Variants in ZBED4 observed in about 807,000 individuals in gnomAD.
ZBED4 encodes the protein zinc finger BED-type containing 4.
Under a neutral mutation model 15.5 loss-of-function variants are expected in ZBED4, and 4 were observed. The observed-to-expected ratio is 0.26, with a 90% CI of 0.13 to 0.59. The LOEUF (loss-of-function observed/expected upper bound fraction) is 0.59, where lower values mean the gene tolerates loss of function less well. ZBED4 is among the 20% of genes least tolerant of loss of function. The pLI is 0.90. For synonymous variants in ZBED4, 692 were observed against 608.5 expected, an observed-to-expected ratio of 1.14 and a Z score of -2.02; for missense variants, 1,323 against 1,461.8, an observed-to-expected ratio of 0.91 and a Z score of 1.55.
rs181566449 is a variant in ZBED4, at chr22:49,882,409, C to T, written c.-329-925C>T. On this transcript the variant is annotated intron_variant, in intron 1 of 1. Transcript: ENST00000216268. ...TCCAGCCTAAGTGACAGTAAAACTC[C>T]GTCTCTTCAAAAAAAGTTTGTTAGA... Among the ~76,000 whole-genome samples the T allele has an allele frequency of 2.1e-3, 322 of 152,238 alleles. 1 individual carries two copies. The highest frequency in any genetic ancestry group is 7.3e-3 in the African/African-American group (303 of 41,534).
In ZBED4 at chr22:49,883,574, TGAA is replaced by T. The variant is rs2060420371; in HGVS notation, c.-86_-84del. On this transcript the variant is annotated 5_prime_UTR_variant, in exon 2 of 2. Coordinates refer to ENST00000216268, the MANE Select transcript of ZBED4 (RefSeq NM_014838.3). The stretch of plus-strand genomic sequence containing the variant: ...GAAAGATGGAATTATGACGAAAAAG[TGAA>T]GATAATCTACATTCGGGGGCACAAA... 1 of 1,428,910 alleles carries T rather than the reference TGAA, an allele frequency of 7.0e-7. No homozygotes were observed. Among genetic ancestry groups the T allele is most frequent in the African/African-American group, 1.5e-5 (1 of 64,984 alleles). 88.5% of individuals were successfully genotyped at this position (1,428,910 alleles called of 1,614,324 possible).
intron 1 of ZBED4, among the ~76,000 whole-genome samples, chr22:49,876,330 T>A (rs1238966604): frequency 6.6e-6 from 1 of 152,226 alleles, no homozygotes; most frequent in Non-Finnish European, 1.5e-5. Flanking sequence ...GTGTCTTTAC[T>A]GATTTTTATG....
intron 1 of ZBED4, among the ~76,000 whole-genome samples, chr22:49,862,741 G>A (rs1217987749): frequency 1.8e-5 from 2 of 112,428 alleles, no homozygotes; most frequent in Non-Finnish European, 3.3e-5. Context: ...TTGCTCTGTC[G>A]CCCAGGCTGG....
intron 1 of ZBED4, among the ~76,000 whole-genome samples, chr22:49,871,722 G>A (rs1248340554): frequency 6.6e-6 from 1 of 151,020 alleles, no homozygotes; most frequent in Non-Finnish European, 1.5e-5. Flanking sequence ...GATTGCTGAA[G>A]GGTGGGGTGG....
intron 1 of ZBED4, among the ~76,000 whole-genome samples, chr22:49,858,018 T>TC (rs2059958318): frequency 6.6e-6 from 1 of 152,110 alleles, no homozygotes; most frequent in Non-Finnish European, 1.5e-5. Context: ...CACCTTGGCC[T>TC]CCCAAAGTGC....
Position 49,885,857 on chromosome 22 carries a change from C to T in ZBED4, c.2195C>T (p.Ser732Phe). 7.0e-7 allele frequency: 1 copy of T among 1,430,684 alleles called. No individual in the cohort carries two copies. Among genetic ancestry groups the T allele is most frequent in the Non-Finnish European group, 9.9e-7 (1 of 1,014,604 alleles). 88.6% of individuals were successfully genotyped at this position (1,430,684 alleles called of 1,614,324 possible). A position where few individuals can be genotyped will look rare whatever the true frequency, so the allele number is the denominator to read the frequency against. ...EAESGVIHFT[S>F]GIWMSNQTRE... The stretch of plus-strand genomic sequence containing the variant: ...GAGAGTGGTGTGATCCACTTCACGT[C>T]TGGAATATGGATGAGTAACCAGACC... The change falls in exon 2 of 2, where the codon TCT becomes TTT. Residue 732 changes from serine to phenylalanine, a missense_variant. By Grantham distance (155) the Ser-to-Phe change is radical (BLOSUM62 -2). This residue lies in a region of ZBED4 where 89 missense variants were observed against 129.8 expected (regional missense o/e 0.69). Transcript: ENST00000216268.
chr22:49,881,042 A>C (rs1034359330), intron 1 of ZBED4, among the ~76,000 whole-genome samples: 3 of 152,244 alleles, frequency 2.0e-5, no homozygotes, highest in Admixed American at 6.5e-5. Context: ...TATATGTGGA[A>C]TTTAAAAATG....
intron 1 of ZBED4, 76 bp downstream of exon 1, chr22:49,854,065 G>GGCCGCGCCATTGTCTGC (rs1234206783): frequency 3.5e-5 from 5 of 143,752 alleles, no homozygotes; most frequent in Non-Finnish European, 6.2e-5. Context: ...GGCCGGGCCG[G>GGCCGCGCCATTGTCTGC]GCCGCGCCAT....
chr22:49,858,448 G>A (rs185806762), intron 1 of ZBED4, among the ~76,000 whole-genome samples: 45 of 152,310 alleles, frequency 3.0e-4, no homozygotes, highest in South Asian at 1.0e-3. Flanking sequence ...TCGACAGCTT[G>A]TTGAGAGTGC....
intron 1 of ZBED4, among the ~76,000 whole-genome samples, chr22:49,854,290 G>A (rs1161721010): frequency 6.6e-6 from 1 of 150,776 alleles, no homozygotes; most frequent in South Asian, 2.1e-4. Flanking sequence ...CGGGCGGACG[G>A]GACGGGGCTC....
At chr22:49,859,373 T>A (rs1372214522) in intron 1 of ZBED4, among the ~76,000 whole-genome samples, 1 of 152,172 alleles carries the variant, frequency 6.6e-6, no homozygotes, top group Non-Finnish European at 1.5e-5. Flanking sequence ...TAAAGCCTTT[T>A]GTTTTGTGAT....
chr22:49,856,448 A>G (rs954237398), intron 1 of ZBED4, among the ~76,000 whole-genome samples: 10 of 152,236 alleles, frequency 6.6e-5, no homozygotes, highest in African/African-American at 2.2e-4. Context: ...GTTGCCCTGA[A>G]GGGTCTGGGG....
At chr22:49,879,651 TGG>T (rs2060397833) in intron 1 of ZBED4, among the ~76,000 whole-genome samples, 1 of 112,940 alleles carries the variant, frequency 8.9e-6, no homozygotes, top group Non-Finnish European at 1.9e-5. Context: ...GTGTTTCTAT[TGG>T]TTGGTTTTTC....
rs1340850446 is a variant in ZBED4 at position 49,885,623 on chromosome 22, T to C, written c.1961T>C (p.Val654Ala). The C allele has an allele frequency of 1.2e-6, 2 of 1,611,440 alleles. No individual in the cohort carries two copies. Among genetic ancestry groups the C allele is most frequent in the Non-Finnish European group, 1.7e-6 (2 of 1,178,016 alleles). Residue 654 changes from valine to alanine, a missense_variant, in exon 2 of 2, where the codon GTT becomes GCT. By Grantham distance (64) the Val-to-Ala change is moderately conservative. Coordinates refer to ENST00000216268, the MANE Select transcript of ZBED4 (RefSeq NM_014838.3). Reference protein sequence around the residue: ...TNEKFYDSHPVAKKITSLIAE... With the variant: ...TNEKFYDSHPAAKKITSLIAE... ...GAGAAGTTTTACGATTCTCACCCAG[T>C]TGCCAAAAAAATCACAAGTCTCATA... is the stretch of plus-strand genomic sequence containing the variant.
intron 1 of ZBED4, among the ~76,000 whole-genome samples, chr22:49,854,761 A>G (rs1207138616): frequency 6.6e-6 from 1 of 152,100 alleles, no homozygotes; most frequent in South Asian, 2.1e-4. Context: ...GTCCCGGCCA[A>G]GCTGAGCCGT....
intron 1 of ZBED4, among the ~76,000 whole-genome samples, chr22:49,870,412 G>T (rs118062771): frequency 6.6e-6 from 1 of 152,142 alleles, no homozygotes; most frequent in Non-Finnish European, 1.5e-5. Context: ...ACTGCTCTCC[G>T]CAGTGGCTGA....
rs967899175 is a variant in ZBED4 at position 49,887,444 on chromosome 22, C to T, written c.*266C>T. On this transcript the variant is annotated 3_prime_UTR_variant, in exon 2 of 2. Coordinates refer to ENST00000216268, the MANE Select transcript of ZBED4 (RefSeq NM_014838.3). ...TGGTGACTAGATTTTAATTCATAAC[C>T]GTAAAGTTTTTTAAAGTTTTGGGTT... The T allele has an allele frequency of 5.3e-5, 18 of 338,886 alleles. No homozygotes were observed. In the Middle Eastern group the frequency reaches 2.7e-3, roughly 50 times the overall value. The allele number at this position is 338,886 out of a possible 1,614,324, so 21.0% of individuals were successfully genotyped here. A position where few individuals can be genotyped will look rare whatever the true frequency, so the allele number is the denominator to read the frequency against.
intron 1 of ZBED4, among the ~76,000 whole-genome samples, chr22:49,857,844 C>T (rs112033763): frequency 0.061 from 9,344 of 152,320 alleles, 380 homozygotes; most frequent in South Asian, 0.18. Flanking sequence ...GCAACCTCTA[C>T]CTCCCAGGTT....
chr22:49,872,459 A>G (rs1034381435), intron 1 of ZBED4, among the ~76,000 whole-genome samples: 2 of 152,210 alleles, frequency 1.3e-5, no homozygotes, highest in African/African-American at 2.4e-5. Flanking sequence ...CATGAGGGTT[A>G]GAATTAACTT....
Sources: allele counts gnomAD v4.1 joint callset (sites outside exome capture counted in the v4.1 genomes callset), GRCh38; gene constraint gnomAD v4.1.1; regional missense constraint gnomAD v4.1.1; transcripts MANE v1.5; gene names NCBI Gene and HGNC (gene_info 2026-07-23, HGNC 2026-07-21).